Variants in VSTM1 observed in about 807,000 individuals in gnomAD.
VSTM1 encodes the protein V-set and transmembrane domain-containing protein 1.
VSTM1 carries 27 observed loss-of-function variants against 33.1 expected under a neutral mutation model. That is an observed-to-expected ratio of 0.82 (90% CI 0.60 to 1.12). The LOEUF (loss-of-function observed/expected upper bound fraction) is 1.12, where lower values mean the gene tolerates loss of function less well. Among genes scored for constraint, VSTM1 ranks in the 50% most tolerant of loss-of-function variants. The pLI, the probability that VSTM1 is intolerant of heterozygous loss-of-function variation, is 0.00. For missense variants in VSTM1, 304 were observed against 288.9 expected, an observed-to-expected ratio of 1.05 and a Z score of -0.38; for synonymous variants, 115 against 110.3, an observed-to-expected ratio of 1.04 and a Z score of -0.27.
chr19:54,058,533 C>G lies in VSTM1; in HGVS notation c.128G>C (p.Ser43Thr). 6.2e-7 allele frequency: 1 copy of G among 1,613,984 alleles called. No individual in the cohort carries two copies. The change falls in exon 3 of 9, where the codon AGC (serine) becomes ACC (threonine). Residue 43 changes from serine to threonine, a missense_variant. Coordinates refer to ENST00000338372, the MANE Select transcript of VSTM1 (RefSeq NM_198481.4). ...AGCCTGACACTTCAGGGTCACATTG[C>G]TCTCGGCTTCAACCACCGAGCTGGG... Reference protein sequence around the residue: ...AWPSSVVEAESNVTLKCQAHS... With the variant: ...AWPSSVVEAETNVTLKCQAHS...
At chr19:54,046,544 C>T (rs1390554543) in intron 4 of VSTM1, among the ~76,000 whole-genome samples, 2 of 151,984 alleles carry the variant, frequency 1.3e-5, no homozygotes, top group African/African-American at 4.8e-5. Flanking sequence ...AATATTCCAC[C>T]TACACCCATC....
intron 4 of VSTM1, among the ~76,000 whole-genome samples, chr19:54,046,520 A>T (rs17207279): frequency 0.21 from 31,812 of 151,646 alleles, 3,574 homozygotes; most frequent in Non-Finnish European, 0.26. Flanking sequence ...TATAATGATG[A>T]TTTTTTTTCA....
chr19:54,048,826 G>C (rs4806698), intron 4 of VSTM1, among the ~76,000 whole-genome samples: 70,064 of 151,906 alleles, frequency 0.46, 16,312 homozygotes, highest in Middle Eastern at 0.51. Context: ...GCTCAAGTCT[G>C]TAATCCCAGC....
intron 1 of VSTM1, among the ~76,000 whole-genome samples, chr19:54,059,871 G>A (rs1157267435): frequency 7.1e-6 from 1 of 141,470 alleles, no homozygotes; most frequent in Admixed American, 7.1e-5. Context: ...TTTTCGAGAT[G>A]GAGTCTCGCT....
chr19:54,058,220 A>G, intron 3 of VSTM1, 86 bp downstream of exon 3: 2 of 1,369,012 alleles, frequency 1.5e-6, no homozygotes, highest in South Asian at 2.8e-5. Flanking sequence ...AGCCTGGGAG[A>G]CACAGCAAGA....
At chr19:54,048,886 C>T (rs183971719) in intron 4 of VSTM1, among the ~76,000 whole-genome samples, 10 of 152,118 alleles carry the variant, frequency 6.6e-5, no homozygotes, top group Admixed American at 5.9e-4. Flanking sequence ...GAGTTCGAGA[C>T]CAGCCTAGCC....
At chr19:54,048,595 C>A (rs2070705793) in intron 4 of VSTM1, among the ~76,000 whole-genome samples, 1 of 152,122 alleles carries the variant, frequency 6.6e-6, no homozygotes, top group Non-Finnish European at 1.5e-5. Flanking sequence ...TAACATGATA[C>A]AGCCACAATG....
chr19:54,053,330 C>A (rs1489867338), intron 3 of VSTM1, among the ~76,000 whole-genome samples: 1 of 142,268 alleles, frequency 7.0e-6, no homozygotes, highest in African/African-American at 2.6e-5. Flanking sequence ...GCCCTGCTTC[C>A]TGGTGTTCAT....
At chr19:54,061,016 CTTTTTT>C (rs10693760) in intron 1 of VSTM1, among the ~76,000 whole-genome samples, 17 of 115,026 alleles carry the variant, frequency 1.5e-4, no homozygotes, top group South Asian at 5.7e-4. Flanking sequence ...TTTTTCTTTT[CTTTTTT>C]TTTTTTTTTT....
rs768807930 is a variant in VSTM1 at position 54,040,999 on chromosome 19, G to C, written c.673C>G (p.Pro225Ala). Residue 225 changes from proline (P) to alanine (A), a missense_variant, in exon 9 of 9, where the codon CCC becomes GCC. Physicochemically the swap from Pro to Ala is conservative, Grantham distance 27 (BLOSUM62 -1). Coordinates refer to ENST00000338372, the MANE Select transcript of VSTM1 (RefSeq NM_198481.4). ...SEAASDTTQE[P>A]PGSHEYAALK... ...GCCGCATATTCATGAGATCCTGGGG[G>C]CTCCTGGGTGGTGTCTGAAGCTGCC... 1 of 1,610,358 alleles carries C rather than the reference G, an allele frequency of 6.2e-7. No individual in the cohort carries two copies. Among genetic ancestry groups the C allele is most frequent in the Admixed American group, 1.7e-5 (1 of 59,658 alleles).
intron 4 of VSTM1, among the ~76,000 whole-genome samples, chr19:54,049,697 C>T (rs1415278680): frequency 1.3e-5 from 2 of 152,062 alleles, no homozygotes; most frequent in Non-Finnish European, 2.9e-5. Flanking sequence ...GTTCGTAGTG[C>T]TAGGGTAGCA....
At chr19:54,058,918 TA>T (rs2071247663) in intron 1 of VSTM1, among the ~76,000 whole-genome samples, 186 bp from the exon 2 acceptor site, 1 of 148,102 alleles carries the variant, frequency 6.8e-6, no homozygotes, top group Non-Finnish European at 1.5e-5. Context: ...TATATAAATA[TA>T]ATATATATAT....
At chr19:54,044,584 A>G (rs571136989) in intron 4 of VSTM1, among the ~76,000 whole-genome samples, 1 of 152,310 alleles carries the variant, frequency 6.6e-6, no homozygotes, top group South Asian at 2.1e-4. Flanking sequence ...AGGAGATAAA[A>G]TTTCTACCAA....
chr19:54,042,837 T>TAC (rs1555752688), intron 4 of VSTM1, among the ~76,000 whole-genome samples: 7,842 of 66,230 alleles, frequency 0.12, 328 homozygotes, highest in Middle Eastern at 0.17. Context: ...TATATATATA[T>TAC]ACATATATAT....
chr19:54,041,902 C>T lies in VSTM1; in HGVS notation c.553+14G>A. 2.5e-6 allele frequency: 4 copies of T among 1,614,124 alleles called. No individual in the cohort carries two copies. The highest frequency in any genetic ancestry group is 3.4e-6 in the Non-Finnish European group (4 of 1,180,044). On this transcript the variant is annotated intron_variant, in intron 7 of 8. Coordinates refer to ENST00000338372, the MANE Select transcript of VSTM1 (RefSeq NM_198481.4). Reference sequence around the variant, plus strand: ...TCTATCCGGTGATTCCCTTAAACTTCCCCTGTCCCTTACCGGCAGCCTCCT... The same window carrying T: ...TCTATCCGGTGATTCCCTTAAACTTTCCCTGTCCCTTACCGGCAGCCTCCT...
intron 4 of VSTM1, among the ~76,000 whole-genome samples, chr19:54,047,053 G>A (rs1179555379): frequency 6.6e-6 from 1 of 151,952 alleles, no homozygotes; most frequent in Admixed American, 6.6e-5. Flanking sequence ...ATATTAGCTG[G>A]GTGTGGTGGT....
In VSTM1 at chr19:54,042,200, C is replaced by CA. The variant is rs766784464; in HGVS notation, c.488-5dup. The CA allele has an allele frequency of 5.0e-6, 8 of 1,613,876 alleles. No homozygotes were observed. Among genetic ancestry groups the CA allele is most frequent in the Non-Finnish European group, 5.1e-6 (6 of 1,179,968 alleles). On this transcript the variant is annotated splice_polypyrimidine_tract_variant and splice_region_variant and intron_variant, in intron 5 of 8. Coordinates refer to ENST00000338372, the MANE Select transcript of VSTM1 (RefSeq NM_198481.4). ...GTGGATTCCTCAGATGATGAACCTA[C>CA]AAAAAATGCAGGAGGAATTTACCTA...
intron 1 of VSTM1, among the ~76,000 whole-genome samples, chr19:54,061,922 G>A (rs1264475309): frequency 6.6e-6 from 1 of 152,168 alleles, no homozygotes; most frequent in East Asian, 1.9e-4. Flanking sequence ...TTGGGAGGCT[G>A]AGGCGGGCAG....
At chr19:54,056,751 C>G (rs1234800285) in intron 3 of VSTM1, among the ~76,000 whole-genome samples, 1 of 141,428 alleles carries the variant, frequency 7.1e-6, no homozygotes, top group Non-Finnish European at 1.6e-5. Flanking sequence ...TCTACACCAC[C>G]CTCCCACATC....
Sources: allele counts gnomAD v4.1 joint callset (sites outside exome capture counted in the v4.1 genomes callset), GRCh38; gene constraint gnomAD v4.1.1; transcripts MANE v1.5; gene names NCBI Gene and HGNC (gene_info 2026-07-23, HGNC 2026-07-21).